TASOR2: variants seen among roughly 807,000 people sequenced by gnomAD.
TASOR2 encodes the protein protein TASOR 2.
A neutral mutation model predicts 199.5 loss-of-function variants in TASOR2; 84 were observed. That is an observed-to-expected ratio of 0.42 (90% CI 0.35 to 0.50). TASOR2 has a LOEUF of 0.50. TASOR2 is among the 20% of genes least tolerant of loss of function. TASOR2 has a pLI of 0.02. For synonymous variants in TASOR2, 1,103 were observed against 1,046.6 expected, an observed-to-expected ratio of 1.05 and a Z score of -1.04; for missense variants, 2,796 against 2,835.9, an observed-to-expected ratio of 0.99 and a Z score of 0.32.
At position 5,698,681 on chromosome 10, in the gene TASOR2, T is replaced by C. The variant is rs539247860; in HGVS notation, c.-288+13506T>C. 7.2e-5 allele frequency among the ~76,000 whole-genome samples: 11 copies of C among 152,316 alleles called. No individual in the cohort carries two copies. Among genetic ancestry groups the C allele is most frequent in the African/African-American group, 2.6e-4 (11 of 41,586 alleles). On this transcript the variant is annotated intron_variant, in intron 1 of 20. Coordinates refer to ENST00000328090, the Ensembl canonical transcript of TASOR2. This position sits in a 1 kb window ranked among gnomAD's most constrained non-coding sequence, Gnocchi z 4.4. ...GACCGTGTGGTTCATAATCCTAAAG[T>C]ATTTATTTTCTGACCCTTTATGAAA... is the stretch of plus-strand genomic sequence containing the variant.
At position 5,690,275 on chromosome 10, in the gene TASOR2, A is replaced by C. The variant is rs1836278238; in HGVS notation, c.-288+5100A>C. Among the ~76,000 whole-genome samples the C allele has an allele frequency of 6.6e-6, 1 of 152,158 alleles. No homozygotes were observed. Among genetic ancestry groups the C allele is most frequent in the Admixed American group, 6.5e-5 (1 of 15,278 alleles). On this transcript the variant is annotated intron_variant, in intron 1 of 20. Coordinates refer to ENST00000328090, the Ensembl canonical transcript of TASOR2. This position sits in a 1 kb window ranked among gnomAD's most constrained non-coding sequence, Gnocchi z 4.8. ...ATCATAAGAAATGTATCTGGAGTGTACTTTGTTTTCTCTTAGTAAGATTTT... is the reference window on the plus strand; with the variant it reads ...ATCATAAGAAATGTATCTGGAGTGTCCTTTGTTTTCTCTTAGTAAGATTTT...
rs890684331 is a variant in TASOR2, at chr10:5,687,641, G to A, written c.-288+2466G>A. The stretch of plus-strand genomic sequence containing the variant: ...TAGGGACCAGCCTGGCCAACATGGT[G>A]AAACACCATCTCTACTAAAAATACA... On this transcript the variant is annotated intron_variant, in intron 1 of 20. Transcript: ENST00000328090. This position sits in a 1 kb window ranked among gnomAD's most constrained non-coding sequence, Gnocchi z 4.8. Among the ~76,000 whole-genome samples, 3 of 152,306 alleles carry A rather than the reference G, an allele frequency of 2.0e-5. No individual in the cohort carries two copies. Among genetic ancestry groups the A allele is most frequent in the Middle Eastern group, 3.4e-3 (1 of 294 alleles).
At position 5,740,331 on chromosome 10, in the gene TASOR2, C is replaced by G. The variant is rs370264670; in HGVS notation, c.2161C>G (p.Arg721Gly). The stretch of plus-strand genomic sequence containing the variant: ...CGACCCCGTGGTGAAGCCCAAGGAT[C>G]GACCACCGTCTGCCCGTGTGAAAAA... Residue 721 changes from arginine (R) to glycine (G), a missense_variant, in exon 13 of 21, where the codon CGA (arginine) becomes GGA (glycine). Arg to Gly is a moderately radical substitution (Grantham distance 125). Transcript: ENST00000328090. The surrounding 1 kb of genome is among the most constrained non-coding windows in gnomAD (Gnocchi z 5.3). 2 of 1,614,088 alleles carry G rather than the reference C, an allele frequency of 1.2e-6. No homozygotes were observed. The highest frequency in any genetic ancestry group is 1.3e-5 in the African/African-American group (1 of 74,930).
chr10:5,761,138 G>GAT, intron 18 of TASOR2, 152 bp from the exon 20 acceptor site: 1 of 616,364 alleles, frequency 1.6e-6, no homozygotes. Context: ...GTACAATTGT[G>GAT]ATGTTTTGAG....
chr10:5,762,487 C>T (rs771574371), intron 19 of TASOR2, 45 bp from the exon 21 acceptor site: 1 of 484,100 alleles, frequency 2.1e-6, no homozygotes, highest in Non-Finnish European at 3.3e-6. Flanking sequence ...TATAAAAGTA[C>T]ATTAATTATA....
chr10:5,720,180 A>G lies in TASOR2; in HGVS notation c.-99-364A>G, dbSNP rs2131570121. 1 of 779,918 alleles carries G rather than the reference A, an allele frequency of 1.3e-6. No homozygotes were observed. Among genetic ancestry groups the G allele is most frequent in the Non-Finnish European group, 1.6e-6 (1 of 642,480 alleles). The allele number at this position is 779,918 out of a possible 1,614,324, so 48.3% of individuals were successfully genotyped here. A position where few individuals can be genotyped will look rare whatever the true frequency, so the allele number is the denominator to read the frequency against. On this transcript the variant is annotated intron_variant, in intron 3 of 20. Coordinates refer to ENST00000328090, the Ensembl canonical transcript of TASOR2. This position sits in a 1 kb window ranked among gnomAD's most constrained non-coding sequence, Gnocchi z 5.3. ...GGGGACACATATCTGCATCCTTGTTAGACTACTTCTAAATGAATCCTAGAG... is the reference window on the plus strand; with the variant it reads ...GGGGACACATATCTGCATCCTTGTTGGACTACTTCTAAATGAATCCTAGAG...
chr10:5,691,200 A>G (rs1836385063), intron 1 of TASOR2, among the ~76,000 whole-genome samples: 1 of 152,014 alleles, frequency 6.6e-6, no homozygotes, highest in African/African-American at 2.4e-5. Flanking sequence ...AAAAAAAAAA[A>G]AAAAGAAAGT....
chr10:5,747,461 C>T (rs1401576959), exon 15 of TASOR2: 7 of 1,613,986 alleles, frequency 4.3e-6, no homozygotes, highest in Middle Eastern at 3.3e-4. Context: ...TCAGTATATC[C>T]CTCAGTGTCA....
In TASOR2 at chr10:5,720,982, A is replaced by G; in HGVS notation, c.146+12A>G. Reference sequence around the variant, plus strand: ...ATTCCAACACAGCTGTAAGTATTAAATGTTATGTCCTTTACTAATGCTTAT... The same window carrying G: ...ATTCCAACACAGCTGTAAGTATTAAGTGTTATGTCCTTTACTAATGCTTAT... On this transcript the variant is annotated intron_variant, in intron 6 of 20. Transcript: ENST00000328090. The surrounding 1 kb of genome is among the most constrained non-coding windows in gnomAD (Gnocchi z 5.3). 2 of 1,593,450 alleles carry G rather than the reference A, an allele frequency of 1.3e-6. No individual in the cohort carries two copies. Among genetic ancestry groups the G allele is most frequent in the Non-Finnish European group, 1.7e-6 (2 of 1,167,854 alleles).
rs777251958 is a variant in TASOR2, at chr10:5,730,619, A to T, written c.620A>T (p.Lys207Met). The change falls in exon 11 of 21, where the codon AAG becomes ATG. Residue 207 changes from lysine (K) to methionine (M), a missense_variant. By Grantham distance (95) the Lys-to-Met change is moderately conservative. Transcript: ENST00000328090. The surrounding 1 kb of genome is among the most constrained non-coding windows in gnomAD (Gnocchi z 4.1). ...AGAATCCATCCAAACACATTAGTAA[A>T]GCGTCATTTCCAAGAATTGTACAAG... 12 of 1,614,100 alleles carry T rather than the reference A, an allele frequency of 7.4e-6. No homozygotes were observed. In the South Asian group the frequency reaches 1.2e-4, roughly 16 times the overall value.
At chr10:5,697,975 C>T (rs1180154202) in intron 1 of TASOR2, among the ~76,000 whole-genome samples, 1 of 152,130 alleles carries the variant, frequency 6.6e-6, no homozygotes, top group Admixed American at 6.5e-5. Flanking sequence ...GTACAGTTGA[C>T]TGGCTTTTAA....
intron 1 of TASOR2, among the ~76,000 whole-genome samples, chr10:5,702,654 TTTTTTTTG>T (rs1290838440): frequency 6.7e-4 from 95 of 142,540 alleles, no homozygotes; most frequent in African/African-American, 2.5e-3. Context: ...TTTTTTTTTT[TTTTTTTTG>T]GTAAGTAAGG....
chr10:5,759,006 G>C lies in TASOR2; in HGVS notation c.6992+14G>C, dbSNP rs1038041938. On this transcript the variant is annotated intron_variant, in intron 18 of 20. Coordinates refer to ENST00000328090, the Ensembl canonical transcript of TASOR2. ...AGAAGATGAAAGGTAAGGACTTGCT[G>C]TGTGTATGGTTCCTCCTGCCCTGCT... 6.3e-7 allele frequency: 1 copy of C among 1,576,246 alleles called. No homozygotes were observed. The highest frequency in any genetic ancestry group is 8.7e-7 in the Non-Finnish European group (1 of 1,145,870).
rs1833222302 is a variant in TASOR2, at chr10:5,720,552, T to C, written c.-91T>C. 4.4e-6 allele frequency: 7 copies of C among 1,601,074 alleles called. No homozygotes were observed. The highest frequency in any genetic ancestry group is 6.0e-6 in the Non-Finnish European group (7 of 1,173,680). On this transcript the variant is annotated 5_prime_UTR_variant, in exon 4 of 21. Coordinates refer to ENST00000328090, the Ensembl canonical transcript of TASOR2. This position sits in a 1 kb window ranked among gnomAD's most constrained non-coding sequence, Gnocchi z 5.3. Reference sequence around the variant, plus strand: ...TATTTTTCCTCTTTCAGTATTACTTTTACGAACTTTCAGGCAACACCGTTA... The same window carrying C: ...TATTTTTCCTCTTTCAGTATTACTTCTACGAACTTTCAGGCAACACCGTTA...
chr10:5,748,864 G>A lies in TASOR2; in HGVS notation c.5443G>A (p.Glu1815Lys). The change falls in exon 15 of 21, where the codon GAG (glutamate) becomes AAG (lysine). Residue 1815 changes from glutamate (E) to lysine (K), a missense_variant. By Grantham distance (56) the Glu-to-Lys change is moderately conservative. Coordinates refer to ENST00000328090, the Ensembl canonical transcript of TASOR2. The surrounding 1 kb of genome is among the most constrained non-coding windows in gnomAD (Gnocchi z 5.1). ...TTCTGAAACCCTAGGCAGAGATGGA[G>A]AGGTCGGTGTGAATTCCGACATGCA... 1 of 1,614,174 alleles carries A rather than the reference G, an allele frequency of 6.2e-7. No homozygotes were observed.
chr10:5,721,401 C>G (rs1030313132), intron 6 of TASOR2, among the ~76,000 whole-genome samples: 10 of 152,254 alleles, frequency 6.6e-5, no homozygotes, highest in African/African-American at 2.4e-4. Flanking sequence ...TTAATATTTT[C>G]TCCTGGGGAA....
chr10:5,746,127 A>G (rs1470541751), intron 14 of TASOR2, 52 bp from the exon 16 acceptor site: 1 of 1,492,016 alleles, frequency 6.7e-7, no homozygotes, highest in East Asian at 2.3e-5. Flanking sequence ...TAATCGTATA[A>G]AAAACATTTT....
intron 19 of TASOR2, among the ~76,000 whole-genome samples, chr10:5,762,126 TGTG>T (rs1839943118): frequency 6.6e-6 from 1 of 151,862 alleles, no homozygotes; most frequent in Non-Finnish European, 1.5e-5. Flanking sequence ...AGTTGGCAGG[TGTG>T]GTGATGTGTG....
chr10:5,749,446 T>A, exon 15 of TASOR2: 1 of 1,614,082 alleles, frequency 6.2e-7, no homozygotes. Flanking sequence ...TCCAAAGGAG[T>A]CACCAACCCA....
Sources: gnomAD v4.1 joint callset for allele counts (sites outside exome capture counted in the v4.1 genomes callset) on GRCh38, gnomAD v4.1.1 for gene constraint, Gnocchi (gnomAD v3.1) non-coding constraint, MANE v1.5 for transcripts, NCBI Gene and HGNC (gene_info 2026-07-23, HGNC 2026-07-21) for gene names.